Variants in SCRG1 observed in about 807,000 individuals in gnomAD.
SCRG1 encodes stimulator of chondrogenesis 1, also known as scrapie-responsive protein 1.
In SCRG1, 3 loss-of-function variants were observed where a neutral mutation model predicts 7.7. That is an observed-to-expected ratio of 0.39 (90% CI 0.18 to 1.01). SCRG1 has a LOEUF of 1.01. Among genes scored for constraint, SCRG1 ranks in the 50% least tolerant of loss-of-function variants. The pLI is 0.36. For synonymous variants in SCRG1, 46 were observed against 41.2 expected, an observed-to-expected ratio of 1.12 and a Z score of -0.44; for missense variants, 110 against 117.2, an observed-to-expected ratio of 0.94 and a Z score of 0.28.
chr4:173,394,639 C>T (rs191226963), intron 1 of SCRG1, among the ~76,000 whole-genome samples: 75 of 140,088 alleles, frequency 5.4e-4, no homozygotes, highest in African/African-American at 1.7e-3. Flanking sequence ...AGAGAGACTC[C>T]GTCTCAAAAA....
chr4:173,396,275 G>A (rs1390133800), intron 1 of SCRG1, among the ~76,000 whole-genome samples: 2 of 152,210 alleles, frequency 1.3e-5, no homozygotes, highest in African/African-American at 4.8e-5. Flanking sequence ...GCAGTTGAAT[G>A]TGAGTCTAAA....
At chr4:173,396,253 G>C (rs1739599205) in intron 1 of SCRG1, among the ~76,000 whole-genome samples, 1 of 152,210 alleles carries the variant, frequency 6.6e-6, no homozygotes, top group South Asian at 2.1e-4. Context: ...TTAAAGTGAA[G>C]ATGTTGAGTA....
At chr4:173,394,197 T>C (rs929600583) in intron 1 of SCRG1, among the ~76,000 whole-genome samples, 5 of 152,180 alleles carry the variant, frequency 3.3e-5, no homozygotes, top group African/African-American at 9.6e-5. Context: ...TTGGTGCTTT[T>C]CCCCCCTGCC....
the SCRG1 span, among the ~76,000 whole-genome samples, chr4:173,434,079 C>G: frequency 6.6e-6 from 1 of 152,102 alleles, no homozygotes; most frequent in Non-Finnish European, 1.5e-5. Flanking sequence ...GACCGGACCT[C>G]GATGGAAAAG....
the SCRG1 span, among the ~76,000 whole-genome samples, chr4:173,494,474 C>A: frequency 6.6e-6 from 1 of 152,196 alleles, no homozygotes; most frequent in Admixed American, 6.5e-5. Flanking sequence ...AGACAATGTG[C>A]CAACACGGGG....
the SCRG1 span, among the ~76,000 whole-genome samples, chr4:173,484,347 T>TAATATAG: frequency 1.4e-5 from 1 of 69,128 alleles, no homozygotes; most frequent in African/African-American, 5.7e-5. Context: ...ACATATTATA[T>TAATATAG]AATATATAAT....
chr4:173,388,260 G>T lies in SCRG1; in HGVS notation c.*81C>A. 1 of 949,336 alleles carries T rather than the reference G, an allele frequency of 1.1e-6. No homozygotes were observed. Among genetic ancestry groups the T allele is most frequent in the East Asian group, 2.5e-5 (1 of 40,014 alleles). 58.8% of individuals were successfully genotyped at this position (949,336 alleles called of 1,614,324 possible). A position where few individuals can be genotyped will look rare whatever the true frequency, so the allele number is the denominator to read the frequency against. On this transcript the variant is annotated 3_prime_UTR_variant, in exon 3 of 3. Coordinates refer to ENST00000296506, the MANE Select transcript of SCRG1 (RefSeq NM_007281.4). ...AATCTATGCTCTATTGCACTATATA[G>T]AAACTAGAAATGCAGTTATACTGAT...
the SCRG1 span, among the ~76,000 whole-genome samples, chr4:173,484,326 T>C: frequency 1.3e-5 from 1 of 78,870 alleles, no homozygotes; most frequent in African/African-American, 5.2e-5. Flanking sequence ...ATTTTATACA[T>C]AATATATTTA....
At chr4:173,481,498 G>T in the SCRG1 span, among the ~76,000 whole-genome samples, 1 of 152,178 alleles carries the variant, frequency 6.6e-6, no homozygotes, top group African/African-American at 2.4e-5. Context: ...AACAACACAG[G>T]TTTGAACTGC....
At chr4:173,508,183 T>C in the SCRG1 span, among the ~76,000 whole-genome samples, 6 of 152,144 alleles carry the variant, frequency 3.9e-5, no homozygotes, top group Admixed American at 1.3e-4. This position sits in a 1 kb window ranked among gnomAD's most constrained non-coding sequence, Gnocchi z 4.4. Flanking sequence ...CCCGCCTAAA[T>C]GTACAGAGCA....
At chr4:173,425,406 G>A in the SCRG1 span, among the ~76,000 whole-genome samples, 1 of 152,140 alleles carries the variant, frequency 6.6e-6, no homozygotes, top group African/African-American at 2.4e-5. Flanking sequence ...GGAATTTTCT[G>A]GTCCTTTTAA....
At chr4:173,429,612 C>G in the SCRG1 span, among the ~76,000 whole-genome samples, 2 of 152,112 alleles carry the variant, frequency 1.3e-5, no homozygotes, top group Admixed American at 1.3e-4. Flanking sequence ...AATTTTGAAC[C>G]TTGTTCGTGA....
chr4:173,430,000 G>GT, the SCRG1 span, among the ~76,000 whole-genome samples: 42 of 149,874 alleles, frequency 2.8e-4, no homozygotes, highest in African/African-American at 1.0e-3. Context: ...ATGGCTATGG[G>GT]TTTTTTTTTT....
At chr4:173,472,260 T>A in the SCRG1 span, among the ~76,000 whole-genome samples, 1 of 152,248 alleles carries the variant, frequency 6.6e-6, no homozygotes, top group African/African-American at 2.4e-5. Context: ...ATTTATGATT[T>A]TCTTTACCAG....
chr4:173,398,119 T>C (rs1739655721), intron 1 of SCRG1: 1 of 152,172 alleles, frequency 6.6e-6, no homozygotes. Context: ...ACTGAGTCCT[T>C]AGAAAATGTT....
At chr4:173,415,945 G>GA in the SCRG1 span, among the ~76,000 whole-genome samples, 4 of 152,046 alleles carry the variant, frequency 2.6e-5, no homozygotes, top group African/African-American at 7.2e-5. Flanking sequence ...AACATATTTT[G>GA]AAAAAAAGGC....
At chr4:173,497,099 C>G in the SCRG1 span, among the ~76,000 whole-genome samples, 10 of 152,000 alleles carry the variant, frequency 6.6e-5, no homozygotes, top group African/African-American at 2.4e-4. Flanking sequence ...GAGTGAGACT[C>G]TGTCTCAAAA....
rs1739292095 is a variant in SCRG1 at position 173,388,076 on chromosome 4, CTT to C, written c.*263_*264del. The C allele has an allele frequency of 2.8e-6, 1 of 351,492 alleles. No homozygotes were observed. Among genetic ancestry groups the C allele is most frequent in the Admixed American group, 4.8e-5 (1 of 21,036 alleles). The allele number at this position is 351,492 out of a possible 1,614,324, so 21.8% of individuals were successfully genotyped here. On this transcript the variant is annotated 3_prime_UTR_variant, in exon 3 of 3. Coordinates refer to ENST00000296506, the MANE Select transcript of SCRG1 (RefSeq NM_007281.4). ...GGCTCTTCATCTGGGGGACAGAACT[CTT>C]TAACTGAGTATAATGAACACCTCAT...
the SCRG1 span, chr4:173,419,118 G>A: frequency 5.9e-5 from 14 of 238,854 alleles, no homozygotes; most frequent in South Asian, 9.1e-4. Flanking sequence ...CTCTATCACT[G>A]ACACTTATCC....
Sources: gnomAD v4.1 joint callset for allele counts (sites outside exome capture counted in the v4.1 genomes callset) on GRCh38, gnomAD v4.1.1 for gene constraint, Gnocchi (gnomAD v3.1) non-coding constraint, MANE v1.5 for transcripts, NCBI Gene and HGNC (gene_info 2026-07-23, HGNC 2026-07-21) for gene names.